ZNF236: variants seen among roughly 807,000 people sequenced by gnomAD.
The protein encoded by ZNF236 is zinc finger protein 236, also known as regulated by glucose.
A neutral mutation model predicts 191.2 loss-of-function variants in ZNF236; 50 were observed. The observed-to-expected ratio is 0.26, with a 90% CI of 0.21 to 0.33. The LOEUF is 0.33. Ranked by LOEUF, ZNF236 falls within the 10% of genes least tolerant of loss-of-function variation. ZNF236 has a pLI of 1.00. For missense variants in ZNF236, 1,754 were observed against 2,374.5 expected, an observed-to-expected ratio of 0.74 and a Z score of 5.43; for synonymous variants, 907 against 928.8, an observed-to-expected ratio of 0.98 and a Z score of 0.43.
rs1043857343 is a variant in ZNF236 at position 76,968,008 on chromosome 18, T to C, written c.5420-207T>C. On this transcript the variant is annotated intron_variant, in intron 30 of 30. Transcript: ENST00000320610. ...GCACTCATATCACCAGTGCTGTGTG[T>C]GCGTTCATACTCCTAACAGTAACTA... Among the ~76,000 whole-genome samples the C allele has an allele frequency of 3.3e-5, 5 of 152,332 alleles. No individual in the cohort carries two copies. In the East Asian group the frequency reaches 9.6e-4, roughly 29 times the overall value.
intron 1 of ZNF236, chr18:76,824,427 A>G (rs567704623): frequency 5.1e-6 from 4 of 781,076 alleles, no homozygotes; most frequent in Middle Eastern, 2.3e-4. Context: ...TTGTAGTTGG[A>G]TAACAGCAGT....
chr18:76,906,261 G>T (rs1285687440), intron 13 of ZNF236, among the ~76,000 whole-genome samples: 2 of 152,198 alleles, frequency 1.3e-5, no homozygotes, highest in Non-Finnish European at 2.9e-5. Context: ...CAGTATCGTT[G>T]ATTGCTTAGC....
At chr18:76,849,077 C>T (rs1166154302) in intron 1 of ZNF236, 2 of 153,114 alleles carry the variant, frequency 1.3e-5, no homozygotes, top group South Asian at 2.1e-4. Flanking sequence ...GTTTAAGATA[C>T]TGGAGTTTTG....
chr18:76,895,959 A>G (rs1020398366), intron 10 of ZNF236, among the ~76,000 whole-genome samples: 6 of 151,632 alleles, frequency 4.0e-5, no homozygotes, highest in Admixed American at 6.6e-5. Context: ...ACCACACACA[A>G]GTATGGCCCG....
In ZNF236 at chr18:76,929,280, G is replaced by T. The variant is rs545922143; in HGVS notation, c.4594+1174G>T. 4.6e-5 allele frequency among the ~76,000 whole-genome samples: 7 copies of T among 152,126 alleles called. No individual in the cohort carries two copies. In the South Asian group the frequency reaches 1.5e-3, roughly 32 times the overall value. ...AAATGAGATGCAGTGGTTTTTAGAT[G>T]CTGTTGGACAGCAAAAATTAACATT... On this transcript the variant is annotated intron_variant, in intron 25 of 30. Coordinates refer to ENST00000320610, the MANE Select transcript of ZNF236 (RefSeq NM_001306089.2).
intron 9 of ZNF236, among the ~76,000 whole-genome samples, chr18:76,883,677 C>G (rs1976964247): frequency 1.3e-5 from 2 of 152,058 alleles, no homozygotes; most frequent in Non-Finnish European, 1.5e-5. Flanking sequence ...ATCCTCTTGC[C>G]CCAGCCTCCC....
At chr18:76,824,395 A>C (rs1192104655) in intron 1 of ZNF236, 1 of 780,962 alleles carries the variant, frequency 1.3e-6, no homozygotes, top group Admixed American at 1.7e-5. Flanking sequence ...TGTTGGCTGC[A>C]CCATGACCCA....
intron 27 of ZNF236, among the ~76,000 whole-genome samples, chr18:76,953,022 AC>A (rs1968445869): frequency 6.6e-6 from 1 of 152,204 alleles, no homozygotes; most frequent in Admixed American, 6.5e-5. Context: ...CCCTAGAGCA[AC>A]AGCCTTTGCT....
chr18:76,862,589 C>T (rs1356992886), intron 3 of ZNF236, among the ~76,000 whole-genome samples: 1 of 152,192 alleles, frequency 6.6e-6, no homozygotes, highest in Non-Finnish European at 1.5e-5. Flanking sequence ...TTAGCAGAAG[C>T]AGGGAGTGTT....
At position 76,916,009 on chromosome 18, in the gene ZNF236, T is replaced by C. The variant is rs889045969; in HGVS notation, c.3274+150T>C. 8.4e-6 allele frequency: 6 copies of C among 716,264 alleles called. No individual in the cohort carries two copies. In the East Asian group the frequency reaches 1.7e-4, roughly 20 times the overall value. The allele number at this position is 716,264 out of a possible 1,614,324, so 44.4% of individuals were successfully genotyped here. On this transcript the variant is annotated intron_variant, in intron 19 of 30. Coordinates refer to ENST00000320610, the MANE Select transcript of ZNF236 (RefSeq NM_001306089.2). ...TTTTAATAATTTTATTTTCTGATTA[T>C]GAAAGCCATACATGCTCTTGGAAGA...
intron 1 of ZNF236, among the ~76,000 whole-genome samples, chr18:76,825,570 G>A (rs1221080713): frequency 2.0e-5 from 3 of 151,856 alleles, no homozygotes; most frequent in Non-Finnish European, 2.9e-5. Context: ...TCTGTTAATC[G>A]AGACATTACA....
intron 1 of ZNF236, among the ~76,000 whole-genome samples, chr18:76,825,720 A>G (rs1427971173): frequency 1.3e-5 from 2 of 152,262 alleles, no homozygotes; most frequent in Non-Finnish European, 2.9e-5. Context: ...TTCTAATAGG[A>G]CAAACATCAA....
chr18:76,860,125 C>T (rs750575899), intron 3 of ZNF236, among the ~76,000 whole-genome samples: 7 of 151,964 alleles, frequency 4.6e-5, no homozygotes, highest in Non-Finnish European at 7.4e-5. Context: ...GGAATGTTGG[C>T]GGGAGAGCTG....
At chr18:76,865,760 G>A (rs977486000) in intron 3 of ZNF236, among the ~76,000 whole-genome samples, 1 of 152,160 alleles carries the variant, frequency 6.6e-6, no homozygotes, top group Non-Finnish European at 1.5e-5. Context: ...ACATTGGATT[G>A]GAGTAGTAAA....
chr18:76,824,500 C>G, intron 1 of ZNF236: 1 of 778,388 alleles, frequency 1.3e-6, no homozygotes, highest in South Asian at 1.3e-5. Context: ...GTTGCCTCTC[C>G]CGCTTTTGAG....
chr18:76,878,080 G>C lies in ZNF236; in HGVS notation c.912G>C (p.Thr304=). ...TTAAAAGTTTAGGCAGCTTAAACAC[G>C]CATATCAGCAAGATGCATATGGGTG... The part of the protein sequence containing the change: ...CVFKSLGSLN[T]HISKMHMGGP... Residue 304 remains threonine, a synonymous_variant, in exon 7 of 31, where the codon ACG becomes ACC. Coordinates refer to ENST00000320610, the MANE Select transcript of ZNF236 (RefSeq NM_001306089.2). 6.2e-7 allele frequency: 1 copy of C among 1,613,024 alleles called. No individual in the cohort carries two copies. The highest frequency in any genetic ancestry group is 8.5e-7 in the Non-Finnish European group (1 of 1,179,234).
At chr18:76,862,106 G>A (rs375982692) in intron 3 of ZNF236, among the ~76,000 whole-genome samples, 5 of 151,924 alleles carry the variant, frequency 3.3e-5, no homozygotes, top group East Asian at 1.9e-4. Context: ...CTAGTGATCC[G>A]TCTGCCTCAG....
intron 1 of ZNF236, among the ~76,000 whole-genome samples, chr18:76,836,366 G>C (rs1279336726): frequency 6.6e-6 from 1 of 151,946 alleles, no homozygotes; most frequent in Non-Finnish European, 1.5e-5. Context: ...GACTACAGGT[G>C]CCCACCACCA....
chr18:76,917,248 C>A (rs938528339), intron 19 of ZNF236, among the ~76,000 whole-genome samples: 14 of 152,202 alleles, frequency 9.2e-5, no homozygotes, highest in African/African-American at 3.4e-4. Flanking sequence ...AAGAAAATGA[C>A]CCTTTCCTTC....
Sources: gnomAD v4.1 joint callset for allele counts (sites outside exome capture counted in the v4.1 genomes callset) on GRCh38, gnomAD v4.1.1 for gene constraint, MANE v1.5 for transcripts, NCBI Gene and HGNC (gene_info 2026-07-23, HGNC 2026-07-21) for gene names.